The following ZNF608 variants were observed in gnomAD, a reference collection of about 807,000 sequenced individuals.
ZNF608 encodes renal carcinoma antigen NY-REN-36.
ZNF608 carries 12 observed loss-of-function variants against 109.0 expected under a neutral mutation model. The observed-to-expected ratio is 0.11, with a 90% CI of 0.07 to 0.18. The LOEUF (loss-of-function observed/expected upper bound fraction) is 0.18, where lower values mean the gene tolerates loss of function less well. Ranked by LOEUF, ZNF608 falls within the 10% of genes least tolerant of loss-of-function variation. The pLI is 1.00. For synonymous variants in ZNF608, 732 were observed against 717.4 expected (o/e 1.02, Z -0.33); for missense variants, 1,707 against 1,879.3 (o/e 0.91, Z 1.70).
intron 3 of ZNF608, among the ~76,000 whole-genome samples, chr5:124,692,857 C>G (rs940518900): frequency 7.2e-5 from 11 of 152,154 alleles, no homozygotes; most frequent in Non-Finnish European, 1.3e-4. Flanking sequence ...CATGACCTGA[C>G]AAGCATGCCT....
chr5:124,677,759 C>T (rs1276652104), intron 3 of ZNF608, among the ~76,000 whole-genome samples: 1 of 152,146 alleles, frequency 6.6e-6, no homozygotes, highest in Admixed American at 6.5e-5. Context: ...GACAGAACAG[C>T]TTATTATGAT....
chr5:124,728,451 A>T lies in ZNF608; in HGVS notation c.906+15633T>A, dbSNP rs185300440. ...TAGCTCTCCCATGCTGCTGGCAATA[A>T]TAATAGCCTCACAGACATGTACAGT... is the stretch of plus-strand genomic sequence containing the variant. On this transcript the variant is annotated intron_variant, in intron 2 of 9. Coordinates refer to ENST00000513986, the MANE Select transcript of ZNF608 (RefSeq NM_020747.3). 2.6e-3 allele frequency among the ~76,000 whole-genome samples: 397 copies of T among 152,324 alleles called. 2 individuals carry two copies. Among genetic ancestry groups the T allele is most frequent in the African/African-American group, 9.4e-3 (391 of 41,576 alleles).
At chr5:124,733,217 CTT>C (rs67421322) in intron 2 of ZNF608, among the ~76,000 whole-genome samples, 4,154 of 117,280 alleles carry the variant, frequency 0.035, 59 homozygotes, top group East Asian at 0.13. Context: ...ATCTCTCTCT[CTT>C]TTTTTTTTTT....
chr5:124,723,296 G>A (rs182481782), intron 2 of ZNF608, among the ~76,000 whole-genome samples: 73 of 152,258 alleles, frequency 4.8e-4, no homozygotes, highest in Middle Eastern at 3.4e-3. Flanking sequence ...GGCGTGAGCC[G>A]CGCCCTGCCT....
chr5:124,646,568 T>C, intron 5 of ZNF608, 111 bp downstream of exon 5: 1 of 1,355,004 alleles, frequency 7.4e-7, no homozygotes. Flanking sequence ...AGGAAAAAAC[T>C]AATATGGGTT....
chr5:124,650,392 C>T (rs1260837739), intron 3 of ZNF608, among the ~76,000 whole-genome samples: 1 of 152,160 alleles, frequency 6.6e-6, no homozygotes, highest in African/African-American at 2.4e-5. Flanking sequence ...CAAATGTGCA[C>T]AATAGATTTA....
rs775056078 is a variant in ZNF608, at chr5:124,744,936, A to C, written c.54T>G (p.Asp18Glu). Reference protein sequence around the residue: ...AGKGVDPNTVDTYDSGDDWEI... With the variant: ...AGKGVDPNTVETYDSGDDWEI... ...CCCAATCATCGCCACTGTCATAAGT[A>C]TCAACTGTATTTGGATCCACACCTT... is the stretch of plus-strand genomic sequence containing the variant. The change falls in exon 2 of 10, where the codon GAT (aspartate) becomes GAG (glutamate). Residue 18 changes from aspartate to glutamate, a missense_variant. Asp to Glu is a conservative substitution (Grantham distance 45). Around this residue, in one of 7 missense-constraint regions of ZNF608, gnomAD observed 18 missense variants for 20.9 expected, o/e 0.86. Coordinates refer to ENST00000513986, the MANE Select transcript of ZNF608 (RefSeq NM_020747.3). This position sits in a 1 kb window ranked among gnomAD's most constrained non-coding sequence, Gnocchi z 4.5. 1.7e-5 allele frequency: 27 copies of C among 1,614,054 alleles called. No homozygotes were observed. Among genetic ancestry groups the C allele is most frequent in the African/African-American group, 2.7e-5 (2 of 74,948 alleles).
At chr5:124,641,587 G>T (rs943327760) in intron 7 of ZNF608, among the ~76,000 whole-genome samples, 182 bp from the exon 8 acceptor site, 9 of 152,132 alleles carry the variant, frequency 5.9e-5, no homozygotes, top group Non-Finnish European at 1.0e-4. Flanking sequence ...TTGGAATTAA[G>T]CCAACACAAA....
At position 124,648,172 on chromosome 5, in the gene ZNF608, T is replaced by C. The variant is rs762009889; in HGVS notation, c.2212A>G (p.Ile738Val). The change falls in exon 5 of 10, where the codon ATT becomes GTT. Residue 738 changes from isoleucine to valine, a missense_variant. Transcript: ENST00000513986. ...GGAGTGGGGGCTGGGGCAGGGGCAATGGGCCGGGCACTTTTCAGTTTAGAG... is the reference window on the plus strand; with the variant it reads ...GGAGTGGGGGCTGGGGCAGGGGCAACGGGCCGGGCACTTTTCAGTTTAGAG... ...NLSKLKSARP[I>V]APAPAPTPPQ... 1.9e-6 allele frequency: 3 copies of C among 1,613,050 alleles called. No individual in the cohort carries two copies. The highest frequency in any genetic ancestry group is 2.5e-6 in the Non-Finnish European group (3 of 1,179,690).
At chr5:124,695,186 C>T (rs978219284) in intron 3 of ZNF608, among the ~76,000 whole-genome samples, 1 of 152,070 alleles carries the variant, frequency 6.6e-6, no homozygotes, top group Non-Finnish European at 1.5e-5. Flanking sequence ...ATAGGGGTAA[C>T]GAAATACAGA....
Position 124,746,504 on chromosome 5 carries a change from A to T in ZNF608, c.-493T>A. ...TTTCCTCTTAACAAGCATCGAGAATAATAGTTTTTTAAAAAACAGAGAGTT... is the reference window on the plus strand; with the variant it reads ...TTTCCTCTTAACAAGCATCGAGAATTATAGTTTTTTAAAAAACAGAGAGTT... On this transcript the variant is annotated 5_prime_UTR_variant, in exon 1 of 10. Transcript: ENST00000513986. 1.0e-6 allele frequency: 1 copy of T among 985,306 alleles called. No individual in the cohort carries two copies. The highest frequency in any genetic ancestry group is 1.2e-6 in the Non-Finnish European group (1 of 829,890). 61.0% of individuals were successfully genotyped at this position (985,306 alleles called of 1,614,324 possible).
chr5:124,637,167 G>A lies in ZNF608; in HGVS notation c.*733C>T, dbSNP rs1484267497. 6.6e-6 allele frequency: 1 copy of A among 151,090 alleles called. No individual in the cohort carries two copies. Among genetic ancestry groups the A allele is most frequent in the Non-Finnish European group, 1.5e-5 (1 of 67,886 alleles). 9.4% of individuals were successfully genotyped at this position (151,090 alleles called of 1,614,324 possible). ...ATGTCTCTGGTACGCAGGCTATTGG[G>A]TTATTTGCCATTCAAGATTATCAAA... On this transcript the variant is annotated 3_prime_UTR_variant, in exon 10 of 10. Transcript: ENST00000513986.
chr5:124,720,560 T>A (rs748425851), intron 2 of ZNF608, among the ~76,000 whole-genome samples: 2 of 152,228 alleles, frequency 1.3e-5, no homozygotes, highest in Non-Finnish European at 2.9e-5. Flanking sequence ...GTTAAATGTA[T>A]ACTGAAAAGT....
chr5:124,659,492 A>C (rs1455940417), intron 3 of ZNF608, among the ~76,000 whole-genome samples: 1 of 152,224 alleles, frequency 6.6e-6, no homozygotes, highest in African/African-American at 2.4e-5. Context: ...AGTAATTACC[A>C]AGATGAATGA....
At chr5:124,694,195 C>T (rs1465469345) in intron 3 of ZNF608, among the ~76,000 whole-genome samples, 6 of 135,982 alleles carry the variant, frequency 4.4e-5, no homozygotes, top group African/African-American at 8.3e-5. Flanking sequence ...GGGGTTTCAC[C>T]GTGTTAGCCA....
At position 124,694,256 on chromosome 5, in the gene ZNF608, T is replaced by G. The variant is rs1435352849; in HGVS notation, c.1162+6758A>C. On this transcript the variant is annotated intron_variant, in intron 3 of 9. Coordinates refer to ENST00000513986, the MANE Select transcript of ZNF608 (RefSeq NM_020747.3). ...GATCCGCCCGCCTCGGCCTCCCAAATTGCTGGTATTACAGGCTTGAGCCAC... is the reference window on the plus strand; with the variant it reads ...GATCCGCCCGCCTCGGCCTCCCAAAGTGCTGGTATTACAGGCTTGAGCCAC... 6.1e-5 allele frequency among the ~76,000 whole-genome samples: 9 copies of G among 147,268 alleles called. No homozygotes were observed. In the East Asian group the frequency reaches 1.6e-3, roughly 27 times the overall value.
chr5:124,719,543 T>G (rs887433323), intron 2 of ZNF608, among the ~76,000 whole-genome samples: 12 of 152,170 alleles, frequency 7.9e-5, no homozygotes, highest in African/African-American at 2.9e-4. Context: ...GGGAAAAACA[T>G]TAGGAGAGGA....
chr5:124,658,940 AT>A (rs902684981), intron 3 of ZNF608, among the ~76,000 whole-genome samples: 20 of 152,172 alleles, frequency 1.3e-4, no homozygotes, highest in African/African-American at 4.8e-4. Flanking sequence ...CCTAATGGTC[AT>A]TCCTTTCCTA....
Position 124,647,584 on chromosome 5 carries a change from T to A in ZNF608, c.2800A>T (p.Thr934Ser). ...ATGTCTGAATAGGCCGGGCTGCTTG[T>A]CTTTGCAGCTGAACTCTCTGCCCCA... is the stretch of plus-strand genomic sequence containing the variant. ...QNGAESSAAKTSSPAYSDISD... is the reference protein window; with the variant it reads ...QNGAESSAAKSSSPAYSDISD... Residue 934 changes from threonine (T) to serine (S), a missense_variant, in exon 5 of 10, where the codon ACA becomes TCA. Coordinates refer to ENST00000513986, the MANE Select transcript of ZNF608 (RefSeq NM_020747.3). 1 of 1,614,196 alleles carries A rather than the reference T, an allele frequency of 6.2e-7. No individual in the cohort carries two copies. Among genetic ancestry groups the A allele is most frequent in the African/African-American group, 1.3e-5 (1 of 75,044 alleles).
Sources: allele counts gnomAD v4.1 joint callset (sites outside exome capture counted in the v4.1 genomes callset), GRCh38; gene constraint gnomAD v4.1.1; regional missense constraint gnomAD v4.1.1; non-coding constraint Gnocchi (gnomAD v3.1); transcripts MANE v1.5; gene names NCBI Gene and HGNC (gene_info 2026-07-23, HGNC 2026-07-21).